REPS2: variants seen among roughly 807,000 people sequenced by gnomAD.
REPS2 encodes RALBP1 associated Eps domain containing 2, also known as ralBP1-associated Eps domain-containing protein 2.
A neutral mutation model predicts 53.6 loss-of-function variants in REPS2; 23 were observed. The ratio of observed to expected loss-of-function variants is 0.43; its 90% CI spans 0.31 to 0.61. The LOEUF is 0.61. REPS2 is among the 20% of genes least tolerant of loss of function. The probability of loss-of-function intolerance (pLI) is 0.11; values close to 1 mark genes in which losing one functional copy is unlikely to be tolerated. For synonymous variants in REPS2, 238 were observed against 218.6 expected (o/e 1.09, Z -0.78); for missense variants, 446 against 534.9 (o/e 0.83, Z 1.64).
At chrX:17,089,083 G>T (rs1172797792) in intron 13 of REPS2, among the ~76,000 whole-genome samples, 1 of 111,261 alleles carries the variant, frequency 9.0e-6, no homozygotes, top group Non-Finnish European at 1.9e-5. Context: ...TCTTCAATGT[G>T]TTTTTTTCTG....
At chrX:17,195,481 T>C in the REPS2 span, among the ~76,000 whole-genome samples, 2 of 112,241 alleles carry the variant, frequency 1.8e-5, no homozygotes, top group African/African-American at 6.5e-5. Context: ...AAAAATCATT[T>C]TGGCCCTGTT....
intron 2 of REPS2, among the ~76,000 whole-genome samples, chrX:17,016,098 G>A (rs759733928): frequency 9.0e-6 from 1 of 111,700 alleles, no homozygotes; most frequent in Admixed American, 9.5e-5. Context: ...TTTGATGATC[G>A]CCATTCTAAC....
chrX:16,963,228 C>T lies in REPS2; in HGVS notation c.273+16094C>T, dbSNP rs1450424540. ...GGCCTAAGGATTTCTTTATACATTG[C>T]TCATATCCACTAAGGCTCTATTGAG... On this transcript the variant is annotated intron_variant, in intron 1 of 17. Coordinates refer to ENST00000357277, the MANE Select transcript of REPS2 (RefSeq NM_004726.3). 2.7e-5 allele frequency among the ~76,000 whole-genome samples: 3 copies of T among 111,933 alleles called. No homozygotes were observed. In the Admixed American group the frequency reaches 2.8e-4, roughly 11 times the overall value.
intron 5 of REPS2, among the ~76,000 whole-genome samples, chrX:17,041,248 C>G (rs775436178): frequency 9.0e-6 from 1 of 111,027 alleles, no homozygotes; most frequent in African/African-American, 3.3e-5. Flanking sequence ...AGTCACATGG[C>G]TGCATGTAAC....
chrX:17,175,560 C>G, the REPS2 span, among the ~76,000 whole-genome samples: 3 of 112,021 alleles, frequency 2.7e-5, no homozygotes, highest in African/African-American at 6.5e-5. Context: ...TTCTTTGCCT[C>G]TCATTAGGGT....
intron 5 of REPS2, among the ~76,000 whole-genome samples, chrX:17,044,681 C>G (rs2061880856): frequency 8.9e-6 from 1 of 111,732 alleles, no homozygotes; most frequent in African/African-American, 3.3e-5. Flanking sequence ...TGCTCCAGCT[C>G]TTTCTGTCAG....
chrX:16,953,142 CACAA>C (rs1199589264), intron 1 of REPS2, among the ~76,000 whole-genome samples: 3 of 85,939 alleles, frequency 3.5e-5, no homozygotes, highest in African/African-American at 1.3e-4. Flanking sequence ...CACACACACA[CACAA>C]ACACACAAAC....
chrX:16,949,500 C>T (rs953548073), intron 1 of REPS2, among the ~76,000 whole-genome samples: 1 of 112,202 alleles, frequency 8.9e-6, no homozygotes, highest in African/African-American at 3.2e-5. Flanking sequence ...CTCTGCCTCC[C>T]GGGTTCAAGC....
chrX:17,180,814 G>A, the REPS2 span, among the ~76,000 whole-genome samples: 2 of 111,439 alleles, frequency 1.8e-5, no homozygotes, highest in African/African-American at 3.3e-5. Context: ...CCTTGACTGT[G>A]TGCCAGAAAC....
chrX:17,003,677 A>G, intron 1 of REPS2, among the ~76,000 whole-genome samples: 1 of 111,924 alleles, frequency 8.9e-6, no homozygotes, highest in Admixed American at 9.5e-5. Flanking sequence ...AGCCCCTCCT[A>G]CTAGGAGTTT....
chrX:17,126,448 A>G (rs374944215), intron 14 of REPS2, among the ~76,000 whole-genome samples: 14 of 112,725 alleles, frequency 1.2e-4, no homozygotes, highest in African/African-American at 4.5e-4. Flanking sequence ...TTCTCAAAGT[A>G]TGTTCCACAG....
chrX:17,108,947 A>T (rs1420412776), intron 14 of REPS2, among the ~76,000 whole-genome samples: 5 of 106,511 alleles, frequency 4.7e-5, no homozygotes, highest in African/African-American at 1.7e-4. Flanking sequence ...TGGCTAAAAG[A>T]TACAGAGCTT....
intron 1 of REPS2, among the ~76,000 whole-genome samples, chrX:16,973,486 A>G (rs1038912201): frequency 6.2e-5 from 7 of 112,112 alleles, no homozygotes; most frequent in Non-Finnish European, 1.1e-4. Context: ...GATCAATTAC[A>G]TTGAAATCCT....
At chrX:16,982,786 T>C (rs911795059) in intron 1 of REPS2, among the ~76,000 whole-genome samples, 13 of 112,220 alleles carry the variant, frequency 1.2e-4, no homozygotes, top group Non-Finnish European at 2.3e-4. Flanking sequence ...ACCATTGATG[T>C]TCCAGTTGGA....
chrX:17,038,646 G>A (rs2061794877), intron 5 of REPS2, among the ~76,000 whole-genome samples: 1 of 112,690 alleles, frequency 8.9e-6, no homozygotes, highest in African/African-American at 3.2e-5. Context: ...CAGCAAAGGT[G>A]TTTTGACAGT....
chrX:17,120,318 C>T (rs1461824154), intron 14 of REPS2, among the ~76,000 whole-genome samples: 2 of 111,992 alleles, frequency 1.8e-5, no homozygotes, highest in Non-Finnish European at 3.8e-5. Flanking sequence ...GGCAGCTTGA[C>T]AGAGGATTTA....
At chrX:17,101,616 G>A (rs115470211) in intron 13 of REPS2, among the ~76,000 whole-genome samples, 2,093 of 111,248 alleles carry the variant, frequency 0.019, 47 homozygotes, top group African/African-American at 0.066. Context: ...ACAAGAGCAG[G>A]GCATTTGTCT....
chrX:16,979,628 A>T (rs1427579567), intron 1 of REPS2, among the ~76,000 whole-genome samples: 1 of 111,900 alleles, frequency 8.9e-6, no homozygotes, highest in Non-Finnish European at 1.9e-5. Flanking sequence ...ATTTAATGTT[A>T]CTTATTATTT....
At chrX:17,089,347 T>G (rs929725217) in intron 13 of REPS2, among the ~76,000 whole-genome samples, 1 of 111,502 alleles carries the variant, frequency 9.0e-6, no homozygotes, top group African/African-American at 3.3e-5. Context: ...CCCCACATTA[T>G]TAATTATACT....
Sources: gnomAD v4.1 joint callset for allele counts (sites outside exome capture counted in the v4.1 genomes callset) on GRCh38, gnomAD v4.1.1 for gene constraint, MANE v1.5 for transcripts, NCBI Gene and HGNC (gene_info 2026-07-23, HGNC 2026-07-21) for gene names.